ERG: variants seen among roughly 807,000 people sequenced by gnomAD.
ERG encodes the protein ETS transcription factor ERG.
Under a neutral mutation model 55.3 loss-of-function variants are expected in ERG, and 9 were observed. The observed-to-expected ratio is 0.16, with a 90% CI of 0.10 to 0.28. ERG has a LOEUF of 0.28. ERG is among the 10% of genes least tolerant of loss of function. The pLI is 1.00. For synonymous variants in ERG, 223 were observed against 237.3 expected (o/e 0.94, Z 0.55); for missense variants, 434 against 631.6 (o/e 0.69, Z 3.35).
intron 2 of ERG, among the ~76,000 whole-genome samples, chr21:38,552,846 G>GAAA (rs56278724): frequency 9.7e-4 from 124 of 127,858 alleles, no homozygotes; most frequent in Non-Finnish European, 1.1e-3. Context: ...TCAAGCAAGA[G>GAAA]AAAAAAAAAA....
chr21:38,466,140 A>T (rs1266217516), intron 1 of ERG, among the ~76,000 whole-genome samples: 1 of 152,190 alleles, frequency 6.6e-6, no homozygotes, highest in Admixed American at 6.5e-5. Flanking sequence ...TTAATGTTAT[A>T]TTGAAATAAT....
chr21:38,491,395 C>A (rs534159671), intron 1 of ERG, among the ~76,000 whole-genome samples: 10 of 152,132 alleles, frequency 6.6e-5, no homozygotes, highest in Non-Finnish European at 1.2e-4. Context: ...AACAAAAAAA[C>A]CAGCAAGGGA....
At chr21:38,413,910 CT>C (rs533202734) in intron 3 of ERG, among the ~76,000 whole-genome samples, 267 of 152,290 alleles carry the variant, frequency 1.8e-3, no homozygotes, top group Middle Eastern at 6.8e-3. Flanking sequence ...CCATATGTAT[CT>C]TTGGGCATTC....
In ERG at chr21:38,393,461, T is replaced by C. The variant is rs530832448; in HGVS notation, c.746-1017A>G. Among the ~76,000 whole-genome samples, 5 of 152,380 alleles carry C rather than the reference T, an allele frequency of 3.3e-5. No individual in the cohort carries two copies. The South Asian group carries it at 1.0e-3, about 32-fold the overall frequency. ...ATTGCTTGGTCTCAGTTCAATGTCA[T>C]GTGTCATTCTGGGCCAAGTGAAGGC... On this transcript the variant is annotated intron_variant, in intron 6 of 9. Transcript: ENST00000288319.
intron 1 of ERG, among the ~76,000 whole-genome samples, chr21:38,660,988 C>G (rs2060551567): frequency 6.6e-6 from 1 of 151,678 alleles, no homozygotes; most frequent in Admixed American, 6.6e-5. Flanking sequence ...GCTGGCGGCT[C>G]CGGGAGGAAG....
chr21:38,570,678 T>C (rs140917795), intron 2 of ERG, among the ~76,000 whole-genome samples: 1 of 152,328 alleles, frequency 6.6e-6, no homozygotes, highest in African/African-American at 2.4e-5. Flanking sequence ...CTAAGGAACT[T>C]GTACAAAATC....
At chr21:38,571,264 C>A (rs952906085) in intron 2 of ERG, among the ~76,000 whole-genome samples, 1 of 152,086 alleles carries the variant, frequency 6.6e-6, no homozygotes, top group Admixed American at 6.6e-5. Flanking sequence ...GTAATCCCAG[C>A]ATTTTGGGAG....
chr21:38,386,389 T>C (rs1987693722), intron 9 of ERG, among the ~76,000 whole-genome samples: 1 of 152,206 alleles, frequency 6.6e-6, no homozygotes, highest in Admixed American at 6.5e-5. Context: ...ACTCATTAAT[T>C]GTTAAATTTA....
At chr21:38,442,532 G>A (rs955529128) in intron 2 of ERG, among the ~76,000 whole-genome samples, 5 of 152,322 alleles carry the variant, frequency 3.3e-5, no homozygotes, top group South Asian at 2.1e-4. Flanking sequence ...AGTCTGCTGC[G>A]CTGAGGGCCC....
intron 3 of ERG, among the ~76,000 whole-genome samples, chr21:38,409,731 C>T (rs1050830496): frequency 3.3e-5 from 5 of 152,136 alleles, no homozygotes; most frequent in African/African-American, 1.2e-4. Context: ...TTTGGTGTGG[C>T]TGCAGTGGAG....
chr21:38,532,776 ATAG>A (rs2059682097), intron 2 of ERG, among the ~76,000 whole-genome samples: 2 of 152,204 alleles, frequency 1.3e-5, no homozygotes, highest in African/African-American at 4.8e-5. Context: ...ATCTCTATGG[ATAG>A]TAGAAGTAAC....
chr21:38,599,116 G>C (rs1272345483), intron 1 of ERG, among the ~76,000 whole-genome samples: 1 of 152,176 alleles, frequency 6.6e-6, no homozygotes. Context: ...CTGCCTTCCA[G>C]GTAGAGAAGT....
chr21:38,493,394 C>T (rs959256324), intron 1 of ERG, among the ~76,000 whole-genome samples: 1 of 152,140 alleles, frequency 6.6e-6, no homozygotes, highest in Non-Finnish European at 1.5e-5. Context: ...TAGGTAGATA[C>T]AAGGCCAAAC....
chr21:38,606,786 A>G (rs2060199327), intron 1 of ERG, among the ~76,000 whole-genome samples: 1 of 152,174 alleles, frequency 6.6e-6, no homozygotes, highest in South Asian at 2.1e-4. Context: ...AACTACCTAG[A>G]AAGAAGGAAA....
chr21:38,370,776 T>C, the ERG span, among the ~76,000 whole-genome samples: 6 of 152,188 alleles, frequency 3.9e-5, no homozygotes. Flanking sequence ...CATTGTTGTG[T>C]CTCTTTTGAG....
chr21:38,512,143 C>T (rs1014096687), intron 2 of ERG, among the ~76,000 whole-genome samples: 2 of 152,130 alleles, frequency 1.3e-5, no homozygotes, highest in Non-Finnish European at 2.9e-5. Context: ...CTAACCCACA[C>T]AATGCAAAAG....
At chr21:38,615,564 C>T (rs527972317) in intron 1 of ERG, among the ~76,000 whole-genome samples, 1 of 150,468 alleles carries the variant, frequency 6.6e-6, no homozygotes, top group Non-Finnish European at 1.5e-5. Context: ...AGTTTTGTGA[C>T]CTTTTTCTAA....
intron 1 of ERG, among the ~76,000 whole-genome samples, chr21:38,491,141 C>A (rs1457013611): frequency 6.0e-5 from 9 of 150,098 alleles, no homozygotes; most frequent in Non-Finnish European, 7.4e-5. Flanking sequence ...TTGACAGATT[C>A]TAAAGTGTTG....
At position 38,567,081 on chromosome 21, in the gene ERG, G is replaced by A. The variant is rs925217187; in HGVS notation, c.-41+8581C>T. 3.3e-5 allele frequency among the ~76,000 whole-genome samples: 5 copies of A among 152,260 alleles called. No homozygotes were observed. The East Asian group carries it at 9.6e-4, about 29-fold the overall frequency. ...ACGAGGAATCGCCAGACTGGGGGGG[G>A]GATTGTGCAGCATGTCTGGGGAACA... On this transcript the variant is annotated intron_variant, in intron 2 of 8. Coordinates refer to the ERG transcript ENST00000398897.
Sources: allele counts gnomAD v4.1 joint callset (sites outside exome capture counted in the v4.1 genomes callset), GRCh38; gene constraint gnomAD v4.1.1; transcripts MANE v1.5; gene names NCBI Gene and HGNC (gene_info 2026-07-23, HGNC 2026-07-21).